The following LSS variants were observed in gnomAD, a reference collection of about 807,000 sequenced individuals.
LSS encodes 2,3-epoxysqualene-lanosterol cyclase.
LSS carries 90 observed loss-of-function variants against 110.3 expected under a neutral mutation model. The observed-to-expected ratio is 0.82, with a 90% CI of 0.69 to 0.97. LSS has a LOEUF of 0.97. LSS is among the 50% of genes least tolerant of loss of function. LSS has a pLI of 0.00. For synonymous variants in LSS, 433 were observed against 400.0 expected, an observed-to-expected ratio of 1.08 and a Z score of -0.98; for missense variants, 927 against 990.0, an observed-to-expected ratio of 0.94 and a Z score of 0.85.
At chr21:46,207,232 G>A (rs2080062085) in intron 15 of LSS, among the ~76,000 whole-genome samples, 196 bp downstream of exon 15, 1 of 152,206 alleles carries the variant, frequency 6.6e-6, no homozygotes, top group South Asian at 2.1e-4. Flanking sequence ...GCAGGGCCCT[G>A]TGCACACAGC....
At chr21:46,227,721 A>C (rs1210500608) in intron 2 of LSS, 31 bp from the exon 3 acceptor site, 4 of 1,610,702 alleles carry the variant, frequency 2.5e-6, no homozygotes, top group Non-Finnish European at 3.4e-6. Flanking sequence ...AAAAAAAGAG[A>C]TAGCTGACGG....
Position 46,227,705 on chromosome 21 carries a change from A to G in LSS, c.181-15T>C, listed in dbSNP as rs770578701. ...AAGTAATTCTTCTGCAAAGAGATCGAAAAAAAAAAAAAGAGATAGCTGACG... is the reference window on the plus strand; with the variant it reads ...AAGTAATTCTTCTGCAAAGAGATCGGAAAAAAAAAAAAGAGATAGCTGACG... On this transcript the variant is annotated splice_polypyrimidine_tract_variant and intron_variant, in intron 2 of 21. Coordinates refer to ENST00000397728, the MANE Select transcript of LSS (RefSeq NM_002340.6). 4.2e-4 allele frequency: 45 copies of G among 106,974 alleles called. No homozygotes were observed. The highest frequency in any genetic ancestry group is 5.7e-4 in the Non-Finnish European group (38 of 66,678). The allele number at this position is 106,974 out of a possible 1,614,324, so 6.6% of individuals were successfully genotyped here.
At chr21:46,211,344 T>C (rs2080131081) in intron 11 of LSS, among the ~76,000 whole-genome samples, 1 of 152,172 alleles carries the variant, frequency 6.6e-6, no homozygotes. Flanking sequence ...TTAGCCAGGA[T>C]GGTCTCTATC....
intron 20 of LSS, chr21:46,193,642 T>A (rs1400056092): frequency 8.9e-6 from 4 of 446,996 alleles, no homozygotes; most frequent in South Asian, 6.3e-5. Context: ...TGTGCATCTG[T>A]CTCCATGTAC....
rs374703920 is a variant in LSS at position 46,194,657 on chromosome 21, C to T, written c.1822G>A (p.Ala608Thr). 2.0e-5 allele frequency: 32 copies of T among 1,611,848 alleles called. No individual in the cohort carries two copies. In the African/African-American group the frequency reaches 4.3e-4, roughly 22 times the overall value. ...CMGQTYRDGTACAEVSRACDF... is the reference protein window; with the variant it reads ...CMGQTYRDGTTCAEVSRACDF... ...CAGGCCCGGGAGACCTCTGCACAGG[C>T]AGTCCTGCAAAGACCAGAGACAGGA... The change falls in exon 20 of 22, where the codon GCC becomes ACC. Residue 608 changes from alanine to threonine, a missense_variant. By Grantham distance (58) the Ala-to-Thr change is moderately conservative (BLOSUM62 0). Coordinates refer to ENST00000397728, the MANE Select transcript of LSS (RefSeq NM_002340.6).
Position 46,188,935 on chromosome 21 carries a change from T to C in LSS, c.*2169A>G, listed in dbSNP as rs147903820. On this transcript the variant is annotated 3_prime_UTR_variant, in exon 22 of 22. Transcript: ENST00000397728. ...CTTTAAAACATATTAAAATAGGCTA[T>C]GCTATTATCTCTTAAAATATCTGTT... The C allele has an allele frequency of 2.7e-6, 1 of 374,870 alleles. No homozygotes were observed. Among genetic ancestry groups the C allele is most frequent in the Non-Finnish European group, 5.4e-6 (1 of 183,564 alleles). The allele number at this position is 374,870 out of a possible 1,614,324, so 23.2% of individuals were successfully genotyped here. A position where few individuals can be genotyped will look rare whatever the true frequency, so the allele number is the denominator to read the frequency against.
chr21:46,210,159 C>A (rs895370543), intron 12 of LSS, among the ~76,000 whole-genome samples: 1 of 151,446 alleles, frequency 6.6e-6, no homozygotes, highest in Non-Finnish European at 1.5e-5. Context: ...CTCCACTTCC[C>A]GGGTTCAAGC....
Position 46,188,938 on chromosome 21 carries a change from T to C in LSS, c.*2166A>G. The C allele has an allele frequency of 2.7e-6, 1 of 373,452 alleles. No homozygotes were observed. The highest frequency in any genetic ancestry group is 5.5e-6 in the Non-Finnish European group (1 of 183,052). The allele number at this position is 373,452 out of a possible 1,614,324, so 23.1% of individuals were successfully genotyped here. ...TAAAACATATTAAAATAGGCTATGC[T>C]ATTATCTCTTAAAATATCTGTTTTC... is the stretch of plus-strand genomic sequence containing the variant. On this transcript the variant is annotated 3_prime_UTR_variant, in exon 22 of 22. Transcript: ENST00000397728.
chr21:46,191,800 C>CA, intron 21 of LSS, 81 bp downstream of exon 21: 1 of 1,212,684 alleles, frequency 8.2e-7, no homozygotes, highest in Admixed American at 1.9e-5. Flanking sequence ...AAAAAGGACA[C>CA]AGAGCAGGGG....
chr21:46,189,896 C>T lies in LSS; in HGVS notation c.*1208G>A, dbSNP rs950941363. On this transcript the variant is annotated 3_prime_UTR_variant, in exon 22 of 22. Transcript: ENST00000397728. The stretch of plus-strand genomic sequence containing the variant: ...ATGTGAGCTGCTCATCCACATCAGG[C>T]AAAGGCAAAGCCAGGACCTGAACTT... 34 of 358,112 alleles carry T rather than the reference C, an allele frequency of 9.5e-5. No homozygotes were observed. Among genetic ancestry groups the T allele is most frequent in the Non-Finnish European group, 1.6e-4 (30 of 184,512 alleles). The allele number at this position is 358,112 out of a possible 1,614,324, so 22.2% of individuals were successfully genotyped here.
chr21:46,218,269 C>T (rs1202873046), intron 6 of LSS, among the ~76,000 whole-genome samples: 1 of 152,128 alleles, frequency 6.6e-6, no homozygotes, highest in Non-Finnish European at 1.5e-5. Flanking sequence ...GGGGTAAACT[C>T]ATATGCACGA....
At position 46,188,538 on chromosome 21, in the gene LSS, C is replaced by T; in HGVS notation, c.*2566G>A. ...AGCTGCCATCTCCTCTTGGTGGTGT[C>T]CTTTGTCAAGAGCATGTCAGGGTGA... On this transcript the variant is annotated 3_prime_UTR_variant, in exon 22 of 22. Transcript: ENST00000397728. 4.6e-6 allele frequency: 2 copies of T among 438,428 alleles called. No homozygotes were observed. Among genetic ancestry groups the T allele is most frequent in the Middle Eastern group, 7.1e-4 (2 of 2,812 alleles). 27.2% of individuals were successfully genotyped at this position (438,428 alleles called of 1,614,324 possible).
At position 46,216,526 on chromosome 21, in the gene LSS, T is replaced by C. The variant is rs1279601744; in HGVS notation, c.648-2A>G. 1.3e-6 allele frequency: 2 copies of C among 1,598,534 alleles called. No homozygotes were observed. The highest frequency in any genetic ancestry group is 2.7e-5 in the African/African-American group (2 of 74,698). ...GCCGGTGCCCAGTCAGGAAACAGCC[T>C]GGGGCAACAGCAGGAGTCAGTGGGA... is the stretch of plus-strand genomic sequence containing the variant. On this transcript the variant is annotated splice_acceptor_variant, in intron 6 of 21. Coordinates refer to ENST00000397728, the MANE Select transcript of LSS (RefSeq NM_002340.6). LOFTEE classifies it high-confidence loss of function. This position sits in a 1 kb window ranked among gnomAD's most constrained non-coding sequence, Gnocchi z 4.2.
chr21:46,213,848 C>G lies in LSS; in HGVS notation c.1012-13G>C. 1.2e-6 allele frequency: 2 copies of G among 1,603,244 alleles called. No individual in the cohort carries two copies. The highest frequency in any genetic ancestry group is 1.7e-6 in the Non-Finnish European group (2 of 1,171,174). On this transcript the variant is annotated splice_polypyrimidine_tract_variant and intron_variant, in intron 9 of 21. Transcript: ENST00000397728. ...TGGTTTTCGAGATCTGCAGGAGAGACAGCCCTGTCAAGGCTCCGCTCCAGA... is the reference window on the plus strand; with the variant it reads ...TGGTTTTCGAGATCTGCAGGAGAGAGAGCCCTGTCAAGGCTCCGCTCCAGA...
intron 20 of LSS, chr21:46,192,544 A>G: frequency 2.4e-6 from 1 of 411,692 alleles, no homozygotes; most frequent in South Asian, 1.8e-5. Context: ...GTGCCTGTGC[A>G]TGTGTACATG....
At chr21:46,219,307 CT>C (rs2080245060) in intron 6 of LSS, among the ~76,000 whole-genome samples, 168 bp downstream of exon 6, 1 of 152,166 alleles carries the variant, frequency 6.6e-6, no homozygotes, top group South Asian at 2.1e-4. Flanking sequence ...TTCTGTACCC[CT>C]ACAGGACTCA....
At chr21:46,194,081 T>G (rs1323829306) in intron 20 of LSS, among the ~76,000 whole-genome samples, 1 of 152,202 alleles carries the variant, frequency 6.6e-6, no homozygotes, top group Non-Finnish European at 1.5e-5. Context: ...TGTGTGCACC[T>G]GGCACATATG....
intron 5 of LSS, chr21:46,220,386 G>GT (rs1304627841): frequency 1.3e-5 from 2 of 152,266 alleles, no homozygotes; most frequent in African/African-American, 2.4e-5. Flanking sequence ...ATGAGAATGC[G>GT]TAACAGGACA....
At chr21:46,218,958 C>T (rs11702846) in intron 6 of LSS, among the ~76,000 whole-genome samples, 26,155 of 152,100 alleles carry the variant, frequency 0.17, 2,687 homozygotes, top group Non-Finnish European at 0.23. Flanking sequence ...ATCCCTTGAC[C>T]TCGTGATCTG....
Sources: gnomAD v4.1 joint callset for allele counts (sites outside exome capture counted in the v4.1 genomes callset) on GRCh38, gnomAD v4.1.1 for gene constraint, Gnocchi (gnomAD v3.1) non-coding constraint, MANE v1.5 for transcripts, NCBI Gene and HGNC (gene_info 2026-07-23, HGNC 2026-07-21) for gene names.